The following KCNQ1 variants were observed in gnomAD, a reference collection of about 807,000 sequenced individuals.
KCNQ1 encodes the protein potassium voltage-gated channel subfamily KQT member 1.
Under a neutral mutation model 72.4 loss-of-function variants are expected in KCNQ1, and 49 were observed. The ratio of observed to expected loss-of-function variants is 0.68; its 90% CI spans 0.54 to 0.86. The LOEUF (loss-of-function observed/expected upper bound fraction) is 0.86. Ranked by LOEUF, KCNQ1 falls within the 40% of genes least tolerant of loss-of-function variation. The pLI is 0.00. For missense variants in KCNQ1, 790 were observed against 945.1 expected (o/e 0.84, Z 2.15); for synonymous variants, 450 against 412.6 (o/e 1.09, Z -1.10).
chr11:2,653,992 G>T lies in KCNQ1; in HGVS notation c.1394-7969G>T, dbSNP rs569112725. 2.5e-6 allele frequency: 1 copy of T among 398,654 alleles called. No individual in the cohort carries two copies. Among genetic ancestry groups the T allele is most frequent in the Non-Finnish European group, 4.4e-6 (1 of 226,086 alleles). 24.7% of individuals were successfully genotyped at this position (398,654 alleles called of 1,614,324 possible). On this transcript the variant is annotated intron_variant, in intron 10 of 15. Coordinates refer to ENST00000155840, the MANE Select transcript of KCNQ1 (RefSeq NM_000218.3). The surrounding 1 kb of genome is among the most constrained non-coding windows in gnomAD (Gnocchi z 5.3). ...GCAAGGTATTTTCCTAAGCGGAACTGGGTGCCAGCTGTGAATATACATTTT... is the reference window on the plus strand; with the variant it reads ...GCAAGGTATTTTCCTAAGCGGAACTTGGTGCCAGCTGTGAATATACATTTT...
chr11:2,774,369 G>A (rs1183003790), intron 12 of KCNQ1, among the ~76,000 whole-genome samples: 1 of 152,226 alleles, frequency 6.6e-6, no homozygotes, highest in East Asian at 1.9e-4. Context: ...CCCAGGAGCA[G>A]CAGGCCCTTC....
chr11:2,695,155 G>A lies in KCNQ1; in HGVS notation c.1514+33074G>A. 2.5e-6 allele frequency: 1 copy of A among 398,616 alleles called. No homozygotes were observed. Among genetic ancestry groups the A allele is most frequent in the Non-Finnish European group, 4.4e-6 (1 of 226,090 alleles). The allele number at this position is 398,616 out of a possible 1,614,324, so 24.7% of individuals were successfully genotyped here. On this transcript the variant is annotated intron_variant, in intron 11 of 15. Coordinates refer to ENST00000155840, the MANE Select transcript of KCNQ1 (RefSeq NM_000218.3). The surrounding 1 kb of genome is among the most constrained non-coding windows in gnomAD (Gnocchi z 5.2). Reference sequence around the variant, plus strand: ...TCATTCGTTGGTTCTTGGCTTTTGGGACTCTGCACAGAGTTGATCACAGCC... The same window carrying A: ...TCATTCGTTGGTTCTTGGCTTTTGGAACTCTGCACAGAGTTGATCACAGCC...
chr11:2,597,159 G>C (rs1468188184), intron 10 of KCNQ1, among the ~76,000 whole-genome samples: 1 of 152,130 alleles, frequency 6.6e-6, no homozygotes, highest in African/African-American at 2.4e-5. Context: ...AAACTTATCT[G>C]ATTATTAAAT....
At chr11:2,708,407 G>A (rs781473635) in intron 11 of KCNQ1, among the ~76,000 whole-genome samples, 16 of 152,220 alleles carry the variant, frequency 1.1e-4, no homozygotes, top group Non-Finnish European at 2.4e-4. Context: ...TTTGCTCCCT[G>A]CTCCTTTCTT....
chr11:2,532,637 GC>G (rs1304242775), intron 2 of KCNQ1, among the ~76,000 whole-genome samples: 1 of 152,180 alleles, frequency 6.6e-6, no homozygotes, highest in Non-Finnish European at 1.5e-5. Context: ...GGAGGAGGGG[GC>G]GCTCAGGTGG....
chr11:2,835,891 G>C (rs977866246), intron 15 of KCNQ1, among the ~76,000 whole-genome samples: 1 of 152,190 alleles, frequency 6.6e-6, no homozygotes, highest in African/African-American at 2.4e-5. Flanking sequence ...CAAGACCTGG[G>C]TCAGCAGAGC....
chr11:2,610,684 G>A, intron 10 of KCNQ1: 1 of 282,066 alleles, frequency 3.5e-6, no homozygotes, highest in Non-Finnish European at 6.3e-6. Flanking sequence ...CTTTTTGAAA[G>A]AAACTTTTCT....
intron 10 of KCNQ1, chr11:2,636,682 G>C (rs1166323463): frequency 6.6e-6 from 1 of 152,228 alleles, no homozygotes; most frequent in East Asian, 1.9e-4. Context: ...TTTGGTATCA[G>C]GATGATGCTG....
At chr11:2,754,495 C>G (rs1328336863) in intron 11 of KCNQ1, among the ~76,000 whole-genome samples, 1 of 152,368 alleles carries the variant, frequency 6.6e-6, no homozygotes, top group South Asian at 2.1e-4. Context: ...GCTATACTAA[C>G]TAAGATGTTG....
At position 2,571,343 on chromosome 11, in the gene KCNQ1, C is replaced by T. The variant is rs771239108; in HGVS notation, c.623C>T (p.Ala208Val). Residue 208 changes from alanine (A) to valine (V), a missense_variant, in exon 4 of 16, where the codon GCC (alanine) becomes GTC (valine). This residue lies in a region of KCNQ1 where 294 missense variants were observed against 323.3 expected (regional missense o/e 0.91). Transcript: ENST00000155840. ...ISIIDLIVVV[A>V]SMVVLCVGSK... is the part of the protein sequence containing the mutation. ...TCCACAGACCTCATCGTGGTCGTGG[C>T]CTCCATGGTGGTCCTCTGCGTGGGC... 6.8e-6 allele frequency: 11 copies of T among 1,613,288 alleles called. No individual in the cohort carries two copies. Among genetic ancestry groups the T allele is most frequent in the Non-Finnish European group, 9.3e-6 (11 of 1,179,932 alleles).
rs1012040936 is a variant in KCNQ1, at chr11:2,848,097, G to T, written c.*94G>T. 1 of 1,060,618 alleles carries T rather than the reference G, an allele frequency of 9.4e-7. No homozygotes were observed. 65.7% of individuals were successfully genotyped at this position (1,060,618 alleles called of 1,614,324 possible). A position where few individuals can be genotyped will look rare whatever the true frequency, so the allele number is the denominator to read the frequency against. Reference sequence around the variant, plus strand: ...TCTGAAGGAGGCCACCTCCTAAAAGGCCCAGAGAGAAGAGCCCCACTCTCA... The same window carrying T: ...TCTGAAGGAGGCCACCTCCTAAAAGTCCCAGAGAGAAGAGCCCCACTCTCA... On this transcript the variant is annotated 3_prime_UTR_variant, in exon 16 of 16. Transcript: ENST00000155840.
chr11:2,820,446 A>T (rs1040629522), intron 15 of KCNQ1, among the ~76,000 whole-genome samples: 4 of 152,224 alleles, frequency 2.6e-5, no homozygotes, highest in African/African-American at 9.6e-5. Context: ...TTTGGTGCCT[A>T]ATAGGATCAT....
rs1001669043 is a variant in KCNQ1 at position 2,620,707 on chromosome 11, G to A, written c.1393+31853G>A. ...TTATTTTCCTTTGAATATATATCCA[G>A]TAATGGGATTGCTGGGTCAGATGGT... On this transcript the variant is annotated intron_variant, in intron 10 of 15. Coordinates refer to ENST00000155840, the MANE Select transcript of KCNQ1 (RefSeq NM_000218.3). The surrounding 1 kb of genome is among the most constrained non-coding windows in gnomAD (Gnocchi z 4.5). 9 of 398,418 alleles carry A rather than the reference G, an allele frequency of 2.3e-5. No individual in the cohort carries two copies. In the East Asian group the frequency reaches 2.5e-4, roughly 11 times the overall value. 24.7% of individuals were successfully genotyped at this position (398,418 alleles called of 1,614,324 possible). A position where few individuals can be genotyped will look rare whatever the true frequency, so the allele number is the denominator to read the frequency against.
intron 6 of KCNQ1, among the ~76,000 whole-genome samples, chr11:2,576,361 T>G (rs1848422636): frequency 6.6e-6 from 1 of 152,246 alleles, no homozygotes; most frequent in Non-Finnish European, 1.5e-5. Context: ...GCGCCTGCCC[T>G]GGCTGCCAAG....
Position 2,746,140 on chromosome 11 carries a change from T to G in KCNQ1, c.1515-22704T>G, listed in dbSNP as rs1846136155. On this transcript the variant is annotated intron_variant, in intron 11 of 15. Transcript: ENST00000155840. This position sits in a 1 kb window ranked among gnomAD's most constrained non-coding sequence, Gnocchi z 5.9. ...CCTGGCCTCAAGTGATCCATCCGCC[T>G]CGGCCTCCCAAAGTGCTGGGATTAT... 6.6e-6 allele frequency among the ~76,000 whole-genome samples: 1 copy of G among 152,190 alleles called. No individual in the cohort carries two copies.
rs970130763 is a variant in KCNQ1 at position 2,720,304 on chromosome 11, A to C, written c.1515-48540A>C. Among the ~76,000 whole-genome samples the C allele has an allele frequency of 5.3e-5, 8 of 152,136 alleles. No individual in the cohort carries two copies. The highest frequency in any genetic ancestry group is 2.9e-5 in the Non-Finnish European group (2 of 68,014). On this transcript the variant is annotated intron_variant, in intron 11 of 15. Transcript: ENST00000155840. This position sits in a 1 kb window ranked among gnomAD's most constrained non-coding sequence, Gnocchi z 5.1. The stretch of plus-strand genomic sequence containing the variant: ...CTTGAGTGTCCTGGCAGCTCTCCTC[A>C]TCCATCCTATGTGTACACTCAGGCA...
chr11:2,733,814 A>ACACACACACACACTCTCTCTCT, intron 11 of KCNQ1, among the ~76,000 whole-genome samples: 8 of 86,626 alleles, frequency 9.2e-5, no homozygotes, highest in Non-Finnish European at 1.2e-4. Context: ...ACACACACAC[A>ACACACACACACACTCTCTCTCT]CTCTCTCACT....
Position 2,544,735 on chromosome 11 carries a change from T to C in KCNQ1, c.477+16717T>C, listed in dbSNP as rs892279592. On this transcript the variant is annotated intron_variant, in intron 2 of 15. Coordinates refer to ENST00000155840, the MANE Select transcript of KCNQ1 (RefSeq NM_000218.3). The surrounding 1 kb of genome is among the most constrained non-coding windows in gnomAD (Gnocchi z 4.4). Reference sequence around the variant, plus strand: ...AATGAATTCCATTGATTTCCTTATATGAATGATGTTTTCTGAACATAGAGA... The same window carrying C: ...AATGAATTCCATTGATTTCCTTATACGAATGATGTTTTCTGAACATAGAGA... 1.3e-5 allele frequency among the ~76,000 whole-genome samples: 2 copies of C among 152,250 alleles called. No homozygotes were observed. The highest frequency in any genetic ancestry group is 4.8e-5 in the African/African-American group (2 of 41,466).
chr11:2,571,759 G>A (rs1387284928), intron 4 of KCNQ1, among the ~76,000 whole-genome samples: 3 of 152,160 alleles, frequency 2.0e-5, no homozygotes, highest in Admixed American at 6.5e-5. Context: ...GGGGACTGAG[G>A]GAATCTGGAG....
Sources: allele counts gnomAD v4.1 joint callset (sites outside exome capture counted in the v4.1 genomes callset), GRCh38; gene constraint gnomAD v4.1.1; regional missense constraint gnomAD v4.1.1; non-coding constraint Gnocchi (gnomAD v3.1); transcripts MANE v1.5; gene names NCBI Gene and HGNC (gene_info 2026-07-23, HGNC 2026-07-21).